The following S1PR5 variants were observed in gnomAD, a reference collection of about 807,000 sequenced individuals.
S1PR5 encodes the protein sphingosine-1-phosphate receptor 5.
For missense variants in S1PR5, 583 were observed against 571.7 expected (o/e 1.02, Z -0.20); for synonymous variants, 307 against 284.7 (o/e 1.08, Z -0.79).
chr19:10,517,680 C>T, upstream of S1PR5: 33 of 985,518 alleles, frequency 3.3e-5, 1 homozygote, highest in Non-Finnish European at 4.0e-5. Context: ...CCCAGGGACG[C>T]TCCATCGCGG....
At position 10,514,206 on chromosome 19, in the gene S1PR5, AG is replaced by A. The variant is rs1404741027; in HGVS notation, c.805del (p.Leu269CysfsTer33). On this transcript the variant is annotated frameshift_variant, in exon 2 of 2. Transcript: ENST00000333430. LOFTEE classifies it low-confidence loss of function (END_TRUNC). ...AFVACWGPLF[L>X]LLLLDVACPA... Reference sequence around the variant, plus strand: ...GCACGCCACGTCGAGCAACAGCAGCAGGAAGAGGGGGCCCCAACATGCCACA... The same window carrying A: ...GCACGCCACGTCGAGCAACAGCAGCAGAAGAGGGGGCCCCAACATGCCACA... The A allele has an allele frequency of 1.1e-5, 17 of 1,611,614 alleles. No individual in the cohort carries two copies. Among genetic ancestry groups the A allele is most frequent in the Non-Finnish European group, 1.4e-5 (17 of 1,179,268 alleles).
rs1394281196 is a variant in S1PR5 at position 10,514,369 on chromosome 19, TGC to T, written c.641_642del (p.Arg214HisfsTer129). On this transcript the variant is annotated frameshift_variant, in exon 2 of 2. Coordinates refer to ENST00000333430, the MANE Select transcript of S1PR5 (RefSeq NM_030760.5). LOFTEE classifies it low-confidence loss of function (END_TRUNC). ...ILAAICALYA[R>X]IYCQVRANAR... ...GCGTTGGCGCGTACCTGGCAGTAGATGCGCGCGTAGAGTGCACAGATAGCGGC... is the reference window on the plus strand; with the variant it reads ...GCGTTGGCGCGTACCTGGCAGTAGATGCGCGTAGAGTGCACAGATAGCGGC... 1 of 1,589,520 alleles carries T rather than the reference TGC, an allele frequency of 6.3e-7. No homozygotes were observed. The highest frequency in any genetic ancestry group is 8.6e-7 in the Non-Finnish European group (1 of 1,169,566).
intron 1 of S1PR5, among the ~76,000 whole-genome samples, chr19:10,516,607 C>CAAAA (rs113615794): frequency 5.4e-5 from 5 of 91,804 alleles, no homozygotes; most frequent in African/African-American, 1.3e-4. Flanking sequence ...AACTCCGTCT[C>CAAAA]AAAAAAAAAA....
rs1349489104 is a variant in S1PR5, at chr19:10,514,429, G to A, written c.583C>T (p.Leu195Phe). The A allele has an allele frequency of 1.1e-5, 17 of 1,609,852 alleles. No homozygotes were observed. The highest frequency in any genetic ancestry group is 2.2e-5 in the East Asian group (1 of 44,742). ...VLPLYAKAYV[L>F]FCVLAFVGIL... ...CCCACGAAGGCGAGCACGCAGAAGA[G>A]CACGTAGGCCTTGGCGTAGAGCGGC... The change falls in exon 2 of 2, where the codon CTC (leucine) becomes TTC (phenylalanine). Residue 195 changes from leucine (L) to phenylalanine (F), a missense_variant. Physicochemically the swap from Leu to Phe is conservative, Grantham distance 22. Transcript: ENST00000333430.
At chr19:10,517,166 G>GGCCA (rs1463964687) in intron 1 of S1PR5, 4 of 162,948 alleles carry the variant, frequency 2.5e-5, no homozygotes, top group African/African-American at 9.6e-5. Flanking sequence ...GCAGTGGCCC[G>GGCCA]GCCAGGAGGG....
chr19:10,515,562 G>A (rs1004043119), intron 1 of S1PR5, among the ~76,000 whole-genome samples: 4 of 151,958 alleles, frequency 2.6e-5, no homozygotes, highest in Admixed American at 6.6e-5. Flanking sequence ...GCAGTGAGCC[G>A]AGATCGCATC....
Position 10,513,827 on chromosome 19 carries a change from C to G in S1PR5, c.1185G>C (p.Pro395=). 6.2e-7 allele frequency: 1 copy of G among 1,612,772 alleles called. No homozygotes were observed. The highest frequency in any genetic ancestry group is 8.5e-7 in the Non-Finnish European group (1 of 1,179,780). The stretch of plus-strand genomic sequence containing the variant: ...TGGGCCGAGGGTGTCAGTCTGCAGC[C>G]GGTTCTGATACCAGAGTCCGGGCGG... ...PTAARTLVSE[P]AAD The change falls in exon 2 of 2, where the codon CCG becomes CCC. Residue 395 remains proline, a synonymous_variant. Coordinates refer to ENST00000333430, the MANE Select transcript of S1PR5 (RefSeq NM_030760.5).
At chr19:10,517,331 G>T (rs2144656508) in intron 1 of S1PR5, 67 bp downstream of exon 1, 3 of 973,772 alleles carry the variant, frequency 3.1e-6, no homozygotes, top group East Asian at 1.1e-4. Context: ...GAAAGTGGCC[G>T]CCAGGGCGAC....
At position 10,513,517 on chromosome 19, in the gene S1PR5, C is replaced by G; in HGVS notation, c.*298G>C. On this transcript the variant is annotated 3_prime_UTR_variant, in exon 2 of 2. Transcript: ENST00000333430. The stretch of plus-strand genomic sequence containing the variant: ...AGGACAGAGGTCTCAGCTCACATCA[C>G]AAGTCACTACCTCTGCAGAGAGGTC... The G allele has an allele frequency of 1.8e-6, 1 of 560,866 alleles. No individual in the cohort carries two copies. The highest frequency in any genetic ancestry group is 3.1e-6 in the Non-Finnish European group (1 of 321,838). 34.7% of individuals were successfully genotyped at this position (560,866 alleles called of 1,614,324 possible). A position where few individuals can be genotyped will look rare whatever the true frequency, so the allele number is the denominator to read the frequency against.
rs1397287354 is a variant in S1PR5 at position 10,515,130 on chromosome 19, A to G, written c.-18-101T>C. Reference sequence around the variant, plus strand: ...AAAGGGGCCCTACCCACTGACCATCACCCCCTATACATGGTGTCCAAGGGG... The same window carrying G: ...AAAGGGGCCCTACCCACTGACCATCGCCCCCTATACATGGTGTCCAAGGGG... On this transcript the variant is annotated intron_variant, in intron 1 of 1. Coordinates refer to ENST00000333430, the MANE Select transcript of S1PR5 (RefSeq NM_030760.5). The G allele has an allele frequency of 1.2e-5, 18 of 1,440,642 alleles. No individual in the cohort carries two copies. In the Admixed American group the frequency reaches 4.1e-4, roughly 33 times the overall value. The allele number at this position is 1,440,642 out of a possible 1,614,324, so 89.2% of individuals were successfully genotyped here.
intron 1 of S1PR5, among the ~76,000 whole-genome samples, chr19:10,515,487 C>CTGAGGTG (rs2144653993): frequency 6.6e-6 from 1 of 152,248 alleles, no homozygotes; most frequent in South Asian, 2.1e-4. Flanking sequence ...GTGGCACGTG[C>CTGAGGTG]CTGTAGTCCC....
intron 1 of S1PR5, among the ~76,000 whole-genome samples, chr19:10,516,513 G>A (rs1052909689): frequency 6.6e-5 from 10 of 151,368 alleles, no homozygotes; most frequent in African/African-American, 1.2e-4. Flanking sequence ...AGACTGAGGC[G>A]GGAGGATCAC....
chr19:10,514,563 C>T lies in S1PR5; in HGVS notation c.449G>A (p.Arg150His). 1 of 1,577,100 alleles carries T rather than the reference C, an allele frequency of 6.3e-7. No homozygotes were observed. The highest frequency in any genetic ancestry group is 8.6e-7 in the Non-Finnish European group (1 of 1,163,012). ...RGPAPVSSRG[R>H]TLAMAAAAWG... ...GGCCGCGGCTGCCATCGCCAGCGTG[C>T]GCCCCCGACTGGAGACGGGCGCGGG... The change falls in exon 2 of 2, where the codon CGC (arginine) becomes CAC (histidine). Residue 150 changes from arginine to histidine, a missense_variant. By Grantham distance (29) the Arg-to-His change is conservative (BLOSUM62 0). Coordinates refer to ENST00000333430, the MANE Select transcript of S1PR5 (RefSeq NM_030760.5).
rs1832947105 is a variant in S1PR5, at chr19:10,512,859, C to T, written c.*956G>A. 6.8e-6 allele frequency: 1 copy of T among 147,648 alleles called. No homozygotes were observed. The highest frequency in any genetic ancestry group is 1.5e-5 in the Non-Finnish European group (1 of 67,478). 9.1% of individuals were successfully genotyped at this position (147,648 alleles called of 1,614,324 possible). A position where few individuals can be genotyped will look rare whatever the true frequency, so the allele number is the denominator to read the frequency against. ...CCCAGGAGTTCCAGGCTGCAGTGAG[C>T]TATAATTGTGCCCATTGCACTCCAG... On this transcript the variant is annotated 3_prime_UTR_variant, in exon 2 of 2. Transcript: ENST00000333430.
upstream of S1PR5, chr19:10,517,963 G>A (rs575735976): frequency 5.1e-3 from 783 of 152,660 alleles, 4 homozygotes; most frequent in Non-Finnish European, 8.1e-3. Context: ...ATAGGTTCCC[G>A]CTGCTCCCGG....
Position 10,513,515 on chromosome 19 carries a change from C to T in S1PR5, c.*300G>A, listed in dbSNP as rs1322834185. On this transcript the variant is annotated 3_prime_UTR_variant, in exon 2 of 2. Coordinates refer to ENST00000333430, the MANE Select transcript of S1PR5 (RefSeq NM_030760.5). ...CCAGGACAGAGGTCTCAGCTCACAT[C>T]ACAAGTCACTACCTCTGCAGAGAGG... 1 of 560,612 alleles carries T rather than the reference C, an allele frequency of 1.8e-6. No homozygotes were observed. Among genetic ancestry groups the T allele is most frequent in the African/African-American group, 2.0e-5 (1 of 50,112 alleles). The allele number at this position is 560,612 out of a possible 1,614,324, so 34.7% of individuals were successfully genotyped here.
At chr19:10,517,273 A>G (rs1599502410) in intron 1 of S1PR5, 125 bp downstream of exon 1, 17 of 729,462 alleles carry the variant, frequency 2.3e-5, no homozygotes, top group Non-Finnish European at 2.5e-5. Flanking sequence ...GCCTCCAGGA[A>G]AAGTTCGGAG....
chr19:10,513,773 C>A lies in S1PR5; in HGVS notation c.*42G>T. The A allele has an allele frequency of 6.3e-7, 1 of 1,594,122 alleles. No homozygotes were observed. The highest frequency in any genetic ancestry group is 8.5e-7 in the Non-Finnish European group (1 of 1,172,914). On this transcript the variant is annotated 3_prime_UTR_variant, in exon 2 of 2. Transcript: ENST00000333430. ...TACAAATTCCTTTATGTAAAAAGAACAAGTCTGTAAAACTTGGGAAGACAG... is the reference window on the plus strand; with the variant it reads ...TACAAATTCCTTTATGTAAAAAGAAAAAGTCTGTAAAACTTGGGAAGACAG...
At position 10,514,411 on chromosome 19, in the gene S1PR5, A is replaced by G. The variant is rs1427308790; in HGVS notation, c.601T>C (p.Phe201Leu). 5.0e-6 allele frequency: 8 copies of G among 1,609,106 alleles called. No individual in the cohort carries two copies. In the Admixed American group the frequency reaches 8.4e-5, roughly 17 times the overall value. The part of the protein sequence containing the change: ...KAYVLFCVLA[F>L]VGILAAICAL... Reference sequence around the variant, plus strand: ...CAGATAGCGGCCAGGATGCCCACGAAGGCGAGCACGCAGAAGAGCACGTAG... The same window carrying G: ...CAGATAGCGGCCAGGATGCCCACGAGGGCGAGCACGCAGAAGAGCACGTAG... Residue 201 changes from phenylalanine (F) to leucine (L), a missense_variant, in exon 2 of 2, where the codon TTC becomes CTC. Physicochemically the swap from Phe to Leu is conservative, Grantham distance 22. Transcript: ENST00000333430.
Sources: gnomAD v4.1 joint callset for allele counts (sites outside exome capture counted in the v4.1 genomes callset) on GRCh38, gnomAD v4.1.1 for gene constraint, MANE v1.5 for transcripts, NCBI Gene and HGNC (gene_info 2026-07-23, HGNC 2026-07-21) for gene names.